Variants in RBFOX1 observed in about 807,000 individuals in gnomAD.
The protein encoded by RBFOX1 is RNA binding fox-1 homolog 1, also known as RNA binding protein fox-1 homolog 1.
A neutral mutation model predicts 57.7 loss-of-function variants in RBFOX1; 8 were observed. That is an observed-to-expected ratio of 0.14 (90% CI 0.08 to 0.25). The LOEUF (loss-of-function observed/expected upper bound fraction) is 0.25. RBFOX1 is among the 10% of genes least tolerant of loss of function. RBFOX1 has a pLI of 1.00. For synonymous variants in RBFOX1, 326 were observed against 222.4 expected (o/e 1.47, Z -4.15); for missense variants, 611 against 548.5 (o/e 1.11, Z -1.14).
At chr16:7,275,766 C>T (rs1008574120) in intron 4 of RBFOX1, among the ~76,000 whole-genome samples, 1 of 152,170 alleles carries the variant, frequency 6.6e-6, no homozygotes, top group African/African-American at 2.4e-5. Context: ...CACTTTGTGA[C>T]CTTCAGGCTT....
intron 4 of RBFOX1, among the ~76,000 whole-genome samples, chr16:7,196,121 C>G (rs188622545): frequency 3.9e-5 from 6 of 152,070 alleles, no homozygotes; most frequent in African/African-American, 1.4e-4. Context: ...CATCCTACTC[C>G]TCCTCATTTT....
At chr16:6,940,739 A>G (rs1054307432) in intron 3 of RBFOX1, among the ~76,000 whole-genome samples, 7 of 149,368 alleles carry the variant, frequency 4.7e-5, no homozygotes, top group African/African-American at 1.7e-4. Flanking sequence ...CTGGGACTAC[A>G]GGCGCCCGCC....
intron 1 of RBFOX1, among the ~76,000 whole-genome samples, chr16:6,134,417 C>A (rs1020071297): frequency 6.6e-6 from 1 of 152,186 alleles, no homozygotes; most frequent in Non-Finnish European, 1.5e-5. Flanking sequence ...ATCCACTCAA[C>A]AAATAATCTT....
At chr16:5,533,837 A>G (rs1416529352) in intron 2 of RBFOX1, among the ~76,000 whole-genome samples, 3 of 152,150 alleles carry the variant, frequency 2.0e-5, no homozygotes. Flanking sequence ...TGGCTTTCAT[A>G]TGGAGCTGGA....
At chr16:5,805,979 C>T (rs780123407) in intron 3 of RBFOX1, among the ~76,000 whole-genome samples, 3 of 151,976 alleles carry the variant, frequency 2.0e-5, no homozygotes, top group Non-Finnish European at 2.9e-5. Flanking sequence ...GTGTTGATCT[C>T]TCAGTGAGTC....
intron 4 of RBFOX1, among the ~76,000 whole-genome samples, chr16:5,956,103 C>G (rs2059633377): frequency 6.6e-6 from 1 of 151,966 alleles, no homozygotes; most frequent in African/African-American, 2.4e-5. Flanking sequence ...TGGTGAAACC[C>G]CATCTCTACA....
At chr16:6,134,269 G>A (rs952891173) in intron 1 of RBFOX1, among the ~76,000 whole-genome samples, 6 of 152,068 alleles carry the variant, frequency 3.9e-5, no homozygotes, top group Non-Finnish European at 8.8e-5. Context: ...AGCACCCCTT[G>A]TTTGCAGCAG....
intron 3 of RBFOX1, among the ~76,000 whole-genome samples, chr16:5,620,808 A>T (rs1019425464): frequency 6.6e-6 from 1 of 152,074 alleles, no homozygotes; most frequent in African/African-American, 2.4e-5. Context: ...CTGCTTGAGT[A>T]GCCGGGACCA....
chr16:7,571,107 G>C (rs1339337768), intron 5 of RBFOX1, among the ~76,000 whole-genome samples: 2 of 152,136 alleles, frequency 1.3e-5, no homozygotes, highest in Non-Finnish European at 2.9e-5. Context: ...AGGATAAATA[G>C]CTAATGCATG....
At chr16:7,460,928 A>T (rs34979730) in intron 4 of RBFOX1, among the ~76,000 whole-genome samples, 52,720 of 152,026 alleles carry the variant, frequency 0.35, 10,396 homozygotes, top group Non-Finnish European at 0.45. Flanking sequence ...TTCTTGGACC[A>T]CATTTTGAGA....
At chr16:6,518,596 G>C (rs1209486443) in intron 2 of RBFOX1, among the ~76,000 whole-genome samples, 1 of 152,140 alleles carries the variant, frequency 6.6e-6, no homozygotes, top group Non-Finnish European at 1.5e-5. Flanking sequence ...GTGAAATTCA[G>C]ACCACTTACT....
intron 1 of RBFOX1, among the ~76,000 whole-genome samples, chr16:5,394,994 C>T (rs1032490797): frequency 6.6e-6 from 1 of 152,206 alleles, no homozygotes; most frequent in Non-Finnish European, 1.5e-5. Context: ...CCTGTACCTT[C>T]ATTGGCTCCC....
chr16:6,885,287 G>A (rs1340354992), intron 3 of RBFOX1, among the ~76,000 whole-genome samples: 1 of 152,182 alleles, frequency 6.6e-6, no homozygotes, highest in East Asian at 1.9e-4. Flanking sequence ...ACAGACGCGT[G>A]TTCTCTATCC....
At chr16:6,786,786 G>T (rs891421245) in intron 3 of RBFOX1, among the ~76,000 whole-genome samples, 3 of 152,148 alleles carry the variant, frequency 2.0e-5, no homozygotes, top group African/African-American at 7.2e-5. Context: ...AATGGAAGTG[G>T]ACATGAGGTC....
intron 3 of RBFOX1, among the ~76,000 whole-genome samples, chr16:6,667,673 G>A (rs1298954356): frequency 6.6e-6 from 1 of 152,024 alleles, no homozygotes; most frequent in African/African-American, 2.4e-5. Flanking sequence ...TTGAGCTCGG[G>A]AGTTTGAGAT....
chr16:5,748,258 G>C (rs1208910747), intron 3 of RBFOX1, among the ~76,000 whole-genome samples: 4 of 152,036 alleles, frequency 2.6e-5, no homozygotes, highest in Non-Finnish European at 5.9e-5. Flanking sequence ...TATAATTTCT[G>C]TTCTTTTACA....
rs1019799880 is a variant in RBFOX1, at chr16:5,746,883, A to G, written c.319-120420A>G. On this transcript the variant is annotated intron_variant, in intron 3 of 19. Transcript: ENST00000641259. ...CTAAATATACAATCATGTCCTGTGC[A>G]AACAGGGACAATTTGACTTCCTCTT... Among the ~76,000 whole-genome samples, 3 of 152,362 alleles carry G rather than the reference A, an allele frequency of 2.0e-5. No homozygotes were observed. The South Asian group carries it at 6.2e-4, about 32-fold the overall frequency.
At chr16:6,942,408 G>A (rs930499082) in intron 3 of RBFOX1, among the ~76,000 whole-genome samples, 1 of 152,028 alleles carries the variant, frequency 6.6e-6, no homozygotes, top group African/African-American at 2.4e-5. Flanking sequence ...CACCCTCTCC[G>A]TCAGCCTCCC....
intron 2 of RBFOX1, among the ~76,000 whole-genome samples, chr16:6,523,545 C>A (rs74005253): frequency 1.3e-5 from 2 of 152,138 alleles, no homozygotes; most frequent in South Asian, 2.1e-4. Flanking sequence ...GACTTTGGTA[C>A]GCTACTTACC....
Sources: allele counts gnomAD v4.1 joint callset (sites outside exome capture counted in the v4.1 genomes callset), GRCh38; gene constraint gnomAD v4.1.1; transcripts MANE v1.5; gene names NCBI Gene and HGNC (gene_info 2026-07-23, HGNC 2026-07-21).